Variants in NEMF observed in about 807,000 individuals in gnomAD.
NEMF encodes the protein ribosome quality control complex subunit NEMF.
A neutral mutation model predicts 162.2 loss-of-function variants in NEMF; 89 were observed. The observed-to-expected ratio is 0.55, with a 90% confidence interval of 0.46 to 0.65. The LOEUF is 0.65. NEMF is among the 30% of genes least tolerant of loss of function. NEMF has a pLI of 0.00. For missense variants in NEMF, 1,133 were observed against 1,261.9 expected (o/e 0.90, Z 1.55); for synonymous variants, 421 against 404.5 (o/e 1.04, Z -0.49).
chr14:49,839,175 T>G (rs1347189832), intron 5 of NEMF, among the ~76,000 whole-genome samples: 3 of 151,912 alleles, frequency 2.0e-5, no homozygotes, highest in African/African-American at 7.3e-5. Context: ...CCTCCTGGGT[T>G]CAAGAGATTC....
chr14:49,847,808 G>A (rs1249403371), intron 3 of NEMF, among the ~76,000 whole-genome samples: 1 of 151,190 alleles, frequency 6.6e-6, no homozygotes, highest in Non-Finnish European at 1.5e-5. Context: ...GAGGTAGGTG[G>A]ATCACTTGAG....
At chr14:49,804,242 G>C (rs1485795935) in intron 19 of NEMF, among the ~76,000 whole-genome samples, 13 of 151,934 alleles carry the variant, frequency 8.6e-5, no homozygotes, top group Admixed American at 8.5e-4. Context: ...CTGACTTCAT[G>C]ATCTGCCCAC....
chr14:49,806,560 G>A (rs1778375915), intron 18 of NEMF, among the ~76,000 whole-genome samples: 1 of 151,038 alleles, frequency 6.6e-6, no homozygotes, highest in Non-Finnish European at 1.5e-5. Context: ...GAACCCGGCC[G>A]GTCAATCACA....
chr14:49,782,949 C>T lies in NEMF; in HGVS notation c.*1687G>A, dbSNP rs747255867. The T allele has an allele frequency of 6.2e-7, 1 of 1,611,282 alleles. No individual in the cohort carries two copies. ...TTTGGTAGTAACAACACTTCTGGAT[C>T]TTAAGGCTTCATAAATAATGCCTAT... On this transcript the variant is annotated 3_prime_UTR_variant, in exon 33 of 33. Coordinates refer to ENST00000298310, the MANE Select transcript of NEMF (RefSeq NM_004713.6).
chr14:49,788,393 A>C (rs1890280335), intron 28 of NEMF, among the ~76,000 whole-genome samples: 1 of 152,134 alleles, frequency 6.6e-6, no homozygotes, highest in Non-Finnish European at 1.5e-5. Context: ...TAGCTGGAAA[A>C]ATACGAACTC....
chr14:49,793,138 T>C (rs1890532069), intron 26 of NEMF, among the ~76,000 whole-genome samples: 1 of 152,150 alleles, frequency 6.6e-6, no homozygotes, highest in African/African-American at 2.4e-5. Context: ...TGTAATGGAA[T>C]TAACAAAGAT....
rs1594818566 is a variant in NEMF, at chr14:49,851,673, A to T, written c.129-8T>A. 1.2e-6 allele frequency: 2 copies of T among 1,611,306 alleles called. No individual in the cohort carries two copies. The highest frequency in any genetic ancestry group is 1.7e-6 in the Non-Finnish European group (2 of 1,177,728). ...GTAGCTTTAAAGTCCGGTCTGTAGA[A>T]GAAAAAAGTCGAATTTTTCTTTAGG... On this transcript the variant is annotated splice_region_variant and splice_polypyrimidine_tract_variant and intron_variant, in intron 2 of 32. Coordinates refer to ENST00000298310, the MANE Select transcript of NEMF (RefSeq NM_004713.6).
At chr14:49,814,682 T>C (rs1891638323) in intron 17 of NEMF, 72 bp downstream of exon 17, 1 of 747,870 alleles carries the variant, frequency 1.3e-6, no homozygotes, top group South Asian at 1.8e-5. Flanking sequence ...AACAAGAAAA[T>C]CAATGCCTAA....
rs1891642805 is a variant in NEMF at position 49,814,811 on chromosome 14, T to C, written c.1624A>G (p.Ile542Val). ...TTCTGTTGCTGATCTCGTCCACCTA[T>C]AATTAGATAGTTCTCTGAGCTAATG... Reference protein sequence around the residue: ...WFISSENYLIIGGRDQQQNEI... With the variant: ...WFISSENYLIVGGRDQQQNEI... Residue 542 changes from isoleucine to valine, a missense_variant, in exon 17 of 33, where the codon ATA becomes GTA. Coordinates refer to ENST00000298310, the MANE Select transcript of NEMF (RefSeq NM_004713.6). 2 of 1,596,368 alleles carry C rather than the reference T, an allele frequency of 1.3e-6. No individual in the cohort carries two copies. Among genetic ancestry groups the C allele is most frequent in the Non-Finnish European group, 1.7e-6 (2 of 1,173,848 alleles).
chr14:49,851,212 A>G (rs1893757902), intron 3 of NEMF, among the ~76,000 whole-genome samples: 1 of 152,224 alleles, frequency 6.6e-6, no homozygotes, highest in South Asian at 2.1e-4. Context: ...TCAAAAACGA[A>G]CAAAAAAACA....
At chr14:49,831,436 TTTTTTTTTTC>T in intron 10 of NEMF, 75 bp from the exon 11 acceptor site, 1 of 37,482 alleles carries the variant, frequency 2.7e-5, no homozygotes. Flanking sequence ...CAGAATTTTA[TTTTTTTTTTC>T]TTTTTTTTTG....
intron 4 of NEMF, chr14:49,844,743 A>ACACG (rs1893401830): frequency 1.1e-5 from 2 of 183,066 alleles, no homozygotes; most frequent in African/African-American, 2.9e-5. Context: ...GCGCGCACAC[A>ACACG]CACACACACA....
At chr14:49,850,016 A>C (rs1482627398) in intron 3 of NEMF, among the ~76,000 whole-genome samples, 1 of 152,232 alleles carries the variant, frequency 6.6e-6, no homozygotes, top group African/African-American at 2.4e-5. Context: ...ACTCAATGCC[A>C]TAACAGATAC....
chr14:49,790,572 A>G (rs1890392468), intron 26 of NEMF, among the ~76,000 whole-genome samples: 1 of 152,180 alleles, frequency 6.6e-6, no homozygotes, highest in Admixed American at 6.5e-5. Flanking sequence ...CCTGGTGGGA[A>G]ATTGATACAG....
At chr14:49,819,941 A>ATT (rs111593629) in intron 16 of NEMF, among the ~76,000 whole-genome samples, 1 of 138,966 alleles carries the variant, frequency 7.2e-6, no homozygotes. Context: ...TCAGCCACCC[A>ATT]TTTTTTTTTT....
intron 26 of NEMF, among the ~76,000 whole-genome samples, chr14:49,790,296 C>T (rs1281852898): frequency 6.6e-6 from 1 of 152,094 alleles, no homozygotes; most frequent in Non-Finnish European, 1.5e-5. Flanking sequence ...ATACATATAT[C>T]CGAGAAAGGA....
chr14:49,829,424 T>C lies in NEMF; in HGVS notation c.948A>G (p.Glu316=), dbSNP rs1175111121. 6 of 1,612,968 alleles carry C rather than the reference T, an allele frequency of 3.7e-6. No homozygotes were observed. The highest frequency in any genetic ancestry group is 5.1e-6 in the Non-Finnish European group (6 of 1,179,558). Reference sequence around the variant, plus strand: ...TATCTAATTTCTTCAATGCTTGCTTTTCCTTTTATTGGCAAAACAGATTTT... The same window carrying C: ...TATCTAATTTCTTCAATGCTTGCTTCTCCTTTTATTGGCAAAACAGATTTT... ...QKIDLKALQQ[E]KQALKKLDNV... The change falls in exon 12 of 33, where the codon GAA becomes GAG. Residue 316 remains glutamate (E), a splice_region_variant and synonymous_variant. Coordinates refer to ENST00000298310, the MANE Select transcript of NEMF (RefSeq NM_004713.6).
intron 26 of NEMF, among the ~76,000 whole-genome samples, chr14:49,793,704 T>C (rs1395094949): frequency 2.0e-5 from 3 of 152,214 alleles, no homozygotes; most frequent in African/African-American, 4.8e-5. Flanking sequence ...ACTACAAATA[T>C]AAACTTCAAC....
At chr14:49,809,501 CTG>C in intron 18 of NEMF, among the ~76,000 whole-genome samples, 1 of 152,148 alleles carries the variant, frequency 6.6e-6, no homozygotes, top group East Asian at 1.9e-4. Flanking sequence ...CAAACTAAAT[CTG>C]TATGATAATA....
Sources: gnomAD v4.1 joint callset for allele counts (sites outside exome capture counted in the v4.1 genomes callset) on GRCh38, gnomAD v4.1.1 for gene constraint, MANE v1.5 for transcripts, NCBI Gene and HGNC (gene_info 2026-07-23, HGNC 2026-07-21) for gene names.